The following CARNMT1 variants were observed in gnomAD, a reference collection of about 807,000 sequenced individuals.
CARNMT1 encodes carnosine N-methyltransferase 1, also known as protein-L-histidine N-pros-methyltransferase CARNMT1.
Under a neutral mutation model 49.6 loss-of-function variants are expected in CARNMT1, and 28 were observed. The ratio of observed to expected loss-of-function variants is 0.56; its 90% confidence interval spans 0.42 to 0.77. CARNMT1 has a LOEUF of 0.77. CARNMT1 is among the 30% of genes least tolerant of loss of function. CARNMT1 has a pLI of 0.00. For synonymous variants in CARNMT1, 178 were observed against 175.0 expected, an observed-to-expected ratio of 1.02 and a Z score of -0.13; for missense variants, 421 against 512.6, an observed-to-expected ratio of 0.82 and a Z score of 1.73.
intron 5 of CARNMT1, among the ~76,000 whole-genome samples, 176 bp from the exon 6 acceptor site, chr9:74,996,736 A>G (rs2118781943): frequency 6.6e-6 from 1 of 152,302 alleles, no homozygotes; most frequent in Middle Eastern, 3.4e-3. Flanking sequence ...TTTATGGGAA[A>G]TACTGATATC....
At chr9:75,016,537 A>G (rs1833858502) in intron 2 of CARNMT1, 106 bp from the exon 3 acceptor site, 1 of 1,017,108 alleles carries the variant, frequency 9.8e-7, no homozygotes, top group Non-Finnish European at 1.4e-6. Flanking sequence ...TAGTGGATAA[A>G]TCACTAGCCT....
chr9:74,984,759 T>G, intron 7 of CARNMT1, 148 bp downstream of exon 7: 1 of 591,400 alleles, frequency 1.7e-6, no homozygotes, highest in Non-Finnish European at 2.9e-6. Flanking sequence ...TCCCAAGCAT[T>G]TTGAATAGGG....
chr9:74,989,924 C>T (rs1430766713), intron 6 of CARNMT1, among the ~76,000 whole-genome samples: 1 of 152,084 alleles, frequency 6.6e-6, no homozygotes, highest in Non-Finnish European at 1.5e-5. Flanking sequence ...AAAAGACTAT[C>T]GGTCAGAAGA....
chr9:75,012,756 A>AT (rs1833734391), intron 3 of CARNMT1, among the ~76,000 whole-genome samples: 1 of 149,730 alleles, frequency 6.7e-6, no homozygotes, highest in Non-Finnish European at 1.5e-5. Context: ...TACTAAAAAT[A>AT]TAAAAAAAAA....
intron 3 of CARNMT1, among the ~76,000 whole-genome samples, chr9:75,008,337 A>AT (rs889702547): frequency 2.5e-4 from 38 of 151,922 alleles, no homozygotes; most frequent in African/African-American, 6.3e-4. Flanking sequence ...ATCTTTATAA[A>AT]TTTTTTTTTC....
intron 1 of CARNMT1, among the ~76,000 whole-genome samples, chr9:75,022,928 A>T (rs534161066): frequency 6.6e-6 from 1 of 152,014 alleles, no homozygotes; most frequent in Admixed American, 6.5e-5. Flanking sequence ...TCAGGTCAGG[A>T]GTTCGAGATC....
At chr9:74,985,488 ATTTTTTT>A (rs1832808455) in intron 6 of CARNMT1, among the ~76,000 whole-genome samples, 1 of 152,048 alleles carries the variant, frequency 6.6e-6, no homozygotes, top group African/African-American at 2.4e-5. Flanking sequence ...GCTGGCTTTT[ATTTTTTT>A]AAGTGCACTG....
At chr9:75,013,921 C>T (rs183633943) in intron 3 of CARNMT1, among the ~76,000 whole-genome samples, 40 of 140,482 alleles carry the variant, frequency 2.8e-4, no homozygotes, top group African/African-American at 6.4e-4. Context: ...CAGTGAGCTA[C>T]GATAACACCA....
chr9:75,022,986 C>CA (rs1351859926), intron 1 of CARNMT1, among the ~76,000 whole-genome samples: 1 of 151,714 alleles, frequency 6.6e-6, no homozygotes. Flanking sequence ...ACTAAAAATA[C>CA]AAAAAATTAG....
At chr9:74,992,901 T>C (rs916098843) in intron 6 of CARNMT1, among the ~76,000 whole-genome samples, 1 of 152,188 alleles carries the variant, frequency 6.6e-6, no homozygotes, top group Non-Finnish European at 1.5e-5. Flanking sequence ...CCCCAAGAGG[T>C]TGATCTCTCA....
intron 3 of CARNMT1, chr9:75,016,017 T>C (rs751797424): frequency 7.1e-5 from 23 of 322,558 alleles, no homozygotes; most frequent in South Asian, 6.9e-5. Context: ...ATACACATCA[T>C]TGATAATTTT....
chr9:74,985,500 G>A (rs755610628), intron 6 of CARNMT1, among the ~76,000 whole-genome samples: 1 of 151,970 alleles, frequency 6.6e-6, no homozygotes, highest in Non-Finnish European at 1.5e-5. Flanking sequence ...TTTTTTAAGT[G>A]CACTGTTCAT....
intron 6 of CARNMT1, among the ~76,000 whole-genome samples, chr9:74,994,908 A>G (rs761395171): frequency 3.9e-5 from 6 of 152,168 alleles, no homozygotes; most frequent in Non-Finnish European, 5.9e-5. Flanking sequence ...AACATGCTCC[A>G]TTACTTCTGA....
chr9:75,026,777 A>G (rs1822540822), intron 1 of CARNMT1, among the ~76,000 whole-genome samples: 1 of 152,250 alleles, frequency 6.6e-6, no homozygotes, highest in Admixed American at 6.5e-5. Context: ...CTAAATTCAG[A>G]CTAGTAAACT....
At chr9:74,997,765 C>T (rs1050915363) in intron 5 of CARNMT1, among the ~76,000 whole-genome samples, 1 of 152,072 alleles carries the variant, frequency 6.6e-6, no homozygotes, top group Non-Finnish European at 1.5e-5. Context: ...CTCTGTAACC[C>T]GTCTTCCCTG....
chr9:74,992,879 G>A (rs957616937), intron 6 of CARNMT1, among the ~76,000 whole-genome samples: 2 of 152,120 alleles, frequency 1.3e-5, no homozygotes, highest in Non-Finnish European at 2.9e-5. Context: ...AGCAGGGTTA[G>A]GGTAAAATCA....
At chr9:75,018,783 C>T (rs1379443604) in intron 1 of CARNMT1, among the ~76,000 whole-genome samples, 1 of 152,050 alleles carries the variant, frequency 6.6e-6, no homozygotes, top group Non-Finnish European at 1.5e-5. Context: ...GCCTGGCCAA[C>T]ACGGTGAAAC....
intron 3 of CARNMT1, among the ~76,000 whole-genome samples, chr9:75,007,555 C>G (rs1237705240): frequency 6.6e-6 from 1 of 151,562 alleles, no homozygotes; most frequent in African/African-American, 2.4e-5. Context: ...ATGGTGAAAC[C>G]CCGTCTCTAC....
rs980412102 is a variant in CARNMT1 at position 75,020,518 on chromosome 9, C to T, written c.231-3070G>A. On this transcript the variant is annotated intron_variant, in intron 1 of 7. Coordinates refer to ENST00000376834, the MANE Select transcript of CARNMT1 (RefSeq NM_152420.3). Reference sequence around the variant, plus strand: ...CTTGACCTCGTGATCTGCCTGCCTCCGCCTTCCAAAGTGCTGGGATTATAG... The same window carrying T: ...CTTGACCTCGTGATCTGCCTGCCTCTGCCTTCCAAAGTGCTGGGATTATAG... 4.6e-5 allele frequency among the ~76,000 whole-genome samples: 7 copies of T among 152,176 alleles called. No homozygotes were observed. The South Asian group carries it at 6.2e-4, about 14-fold the overall frequency.
Sources: allele counts gnomAD v4.1 joint callset (sites outside exome capture counted in the v4.1 genomes callset), GRCh38; gene constraint gnomAD v4.1.1; transcripts MANE v1.5; gene names NCBI Gene and HGNC (gene_info 2026-07-23, HGNC 2026-07-21).